BMPER: variants seen among roughly 807,000 people sequenced by gnomAD.
The protein encoded by BMPER is BMP-binding endothelial regulator protein.
Under a neutral mutation model 87.3 loss-of-function variants are expected in BMPER, and 45 were observed. The ratio of observed to expected loss-of-function variants is 0.52; its 90% CI spans 0.41 to 0.66. The LOEUF is 0.66. BMPER is among the 30% of genes least tolerant of loss of function. BMPER has a pLI of 0.00. For synonymous variants in BMPER, 326 were observed against 316.2 expected (o/e 1.03, Z -0.33); for missense variants, 784 against 867.5 (o/e 0.90, Z 1.21).
At chr7:33,974,659 T>C (rs375350020) in intron 5 of BMPER, 43 bp from the exon 6 acceptor site, 260 of 1,577,464 alleles carry the variant, frequency 1.6e-4, no homozygotes, top group Non-Finnish European at 2.2e-4. Flanking sequence ...GGTTGAACGA[T>C]GATGGCTGTT....
At chr7:34,028,603 T>TTTTTTTTG (rs1787434350) in intron 6 of BMPER, among the ~76,000 whole-genome samples, 1 of 52,786 alleles carries the variant, frequency 1.9e-5, no homozygotes, top group African/African-American at 7.4e-5. Flanking sequence ...TTTTTTCTGT[T>TTTTTTTTG]TTTTTTTTTT....
chr7:34,028,538 A>C (rs1466162581), intron 6 of BMPER, among the ~76,000 whole-genome samples: 1 of 146,714 alleles, frequency 6.8e-6, no homozygotes, highest in South Asian at 2.1e-4. Flanking sequence ...TATACTTTTC[A>C]TATGTGATGG....
intron 2 of BMPER, among the ~76,000 whole-genome samples, chr7:33,914,798 A>T (rs565701383): frequency 6.6e-6 from 1 of 152,322 alleles, no homozygotes; most frequent in South Asian, 2.1e-4. Flanking sequence ...TGGAAAAATT[A>T]TAGAGGCAAG....
chr7:33,987,111 C>T (rs1002298340), intron 6 of BMPER, among the ~76,000 whole-genome samples: 6 of 152,198 alleles, frequency 3.9e-5, no homozygotes, highest in African/African-American at 1.4e-4. Context: ...CTTGGTCTCT[C>T]CTCAAATAAC....
At chr7:33,994,745 C>G (rs936175425) in intron 6 of BMPER, among the ~76,000 whole-genome samples, 15 of 152,122 alleles carry the variant, frequency 9.9e-5, no homozygotes, top group Non-Finnish European at 1.9e-4. Context: ...GAACAAAAGG[C>G]CATTGTCCTG....
intron 13 of BMPER, among the ~76,000 whole-genome samples, chr7:34,120,179 A>G (rs59857178): frequency 0.023 from 3,499 of 152,312 alleles, 122 homozygotes; most frequent in African/African-American, 0.078. Flanking sequence ...TATTTGAACA[A>G]TTGAAATTGT....
At chr7:34,017,982 A>G (rs1410715943) in intron 6 of BMPER, among the ~76,000 whole-genome samples, 3 of 151,112 alleles carry the variant, frequency 2.0e-5, no homozygotes, top group African/African-American at 7.3e-5. Flanking sequence ...AAAAAAAAAA[A>G]CAAAACCCGT....
intron 13 of BMPER, among the ~76,000 whole-genome samples, chr7:34,110,365 G>A (rs1312013601): frequency 6.6e-6 from 1 of 152,178 alleles, no homozygotes; most frequent in Non-Finnish European, 1.5e-5. Context: ...TACGGAACAG[G>A]AGGGAGAGTA....
At chr7:34,142,185 C>A (rs1790892965) in intron 13 of BMPER, among the ~76,000 whole-genome samples, 1 of 152,084 alleles carries the variant, frequency 6.6e-6, no homozygotes, top group Non-Finnish European at 1.5e-5. Flanking sequence ...TAACTGGAAA[C>A]TGTTAGGCAG....
chr7:33,920,418 GTGTTTTTTTTT>G lies in BMPER; in HGVS notation c.219+13517_219+13527del, dbSNP rs1483321526. Reference sequence around the variant, plus strand: ...CTGTGCAGACCAGGGAAACTCCGTTGTGTTTTTTTTTTTTTTTTTTTTTTTGAGACAGAGTC... The same window carrying G: ...CTGTGCAGACCAGGGAAACTCCGTTGTTTTTTTTTTTTTTGAGACAGAGTC... On this transcript the variant is annotated intron_variant, in intron 2 of 14. Transcript: ENST00000649409. Among the ~76,000 whole-genome samples, 243 of 99,944 alleles carry G rather than the reference GTGTTTTTTTTT, an allele frequency of 2.4e-3. 2 individuals are homozygous for G. Among genetic ancestry groups the G allele is most frequent in the African/African-American group, 8.5e-3 (204 of 24,032 alleles). 65.6% of individuals were successfully genotyped at this position (99,944 alleles called of 152,430 possible).
rs1472337709 is a variant in BMPER, at chr7:34,078,879, T to G, written c.1101T>G (p.Phe367Leu). The G allele has an allele frequency of 6.2e-7, 1 of 1,614,174 alleles. No homozygotes were observed. ...CAGAGCCCGGCGTTTGCACGGTGTT[T>G]GGAGATCCCCACTACAACACTTTTG... ...CTEKPGVCTV[F>L]GDPHYNTFDG... The change falls in exon 12 of 15, where the codon TTT becomes TTG. Residue 367 changes from phenylalanine to leucine, a missense_variant. Phe to Leu is a conservative substitution (Grantham distance 22). Coordinates refer to ENST00000649409, the MANE Select transcript of BMPER (RefSeq NM_001365308.1).
intron 14 of BMPER, among the ~76,000 whole-genome samples, chr7:34,151,778 C>T (rs1313861330): frequency 6.6e-6 from 1 of 152,158 alleles, no homozygotes; most frequent in Non-Finnish European, 1.5e-5. Context: ...TGAATCTATA[C>T]AGAAAAATGT....
chr7:33,978,254 A>G (rs1206493147), intron 6 of BMPER, among the ~76,000 whole-genome samples: 6 of 152,238 alleles, frequency 3.9e-5, no homozygotes, highest in Non-Finnish European at 8.8e-5. Context: ...CCATCTTGGA[A>G]GCAGAGACAG....
chr7:34,021,028 TAGG>T (rs1316557911), intron 6 of BMPER, among the ~76,000 whole-genome samples: 1 of 152,014 alleles, frequency 6.6e-6, no homozygotes, highest in Non-Finnish European at 1.5e-5. Flanking sequence ...ACAACTGATG[TAGG>T]AGGAGATGCT....
chr7:33,935,189 A>C lies in BMPER; in HGVS notation c.220-2100A>C, dbSNP rs944441206. 2.6e-5 allele frequency among the ~76,000 whole-genome samples: 4 copies of C among 152,110 alleles called. No individual in the cohort carries two copies. The East Asian group carries it at 7.7e-4, about 29-fold the overall frequency. On this transcript the variant is annotated intron_variant, in intron 2 of 14. Coordinates refer to ENST00000649409, the MANE Select transcript of BMPER (RefSeq NM_001365308.1). ...CCTTGATGCCACCATTATCATGGAGAAAAGGGGGTGAGGGAAGGAGTTCTG... is the reference window on the plus strand; with the variant it reads ...CCTTGATGCCACCATTATCATGGAGCAAAGGGGGTGAGGGAAGGAGTTCTG...
At position 33,975,906 on chromosome 7, in the gene BMPER, A is replaced by C. The variant is rs942232733; in HGVS notation, c.576+1122A>C. Among the ~76,000 whole-genome samples the C allele has an allele frequency of 1.8e-4, 27 of 152,270 alleles. No homozygotes were observed. The East Asian group carries it at 5.2e-3, about 29-fold the overall frequency. ...ATACAGATTAGAGGAAATATGACGA[A>C]ATGTGATGGCTTTTGTATGGGGGAG... On this transcript the variant is annotated intron_variant, in intron 6 of 14. Coordinates refer to ENST00000649409, the MANE Select transcript of BMPER (RefSeq NM_001365308.1).
intron 13 of BMPER, among the ~76,000 whole-genome samples, chr7:34,091,461 G>A (rs1228774560): frequency 6.6e-6 from 1 of 152,084 alleles, no homozygotes; most frequent in East Asian, 1.9e-4. Context: ...TTTTTCCTTA[G>A]CCGACTCAAC....
chr7:33,932,918 A>T (rs546074398), intron 2 of BMPER, among the ~76,000 whole-genome samples: 1 of 152,148 alleles, frequency 6.6e-6, no homozygotes, highest in Non-Finnish European at 1.5e-5. Flanking sequence ...GTGCTCTGCT[A>T]TCTTCTCTGT....
At chr7:34,064,986 A>G (rs1788538513) in intron 11 of BMPER, among the ~76,000 whole-genome samples, 1 of 152,116 alleles carries the variant, frequency 6.6e-6, no homozygotes, top group Non-Finnish European at 1.5e-5. Flanking sequence ...CTTTGTCATT[A>G]TATTCAGGAT....
Sources: allele counts gnomAD v4.1 joint callset (sites outside exome capture counted in the v4.1 genomes callset), GRCh38; gene constraint gnomAD v4.1.1; transcripts MANE v1.5; gene names NCBI Gene and HGNC (gene_info 2026-07-23, HGNC 2026-07-21).